LHFPL3: variants seen among roughly 807,000 people sequenced by gnomAD.
LHFPL3 encodes LHFPL tetraspan subfamily member 3 protein.
LHFPL3 carries 5 observed loss-of-function variants against 19.3 expected under a neutral mutation model. That is an observed-to-expected ratio of 0.26 (90% CI 0.14 to 0.54). The LOEUF is 0.54. Among genes scored for constraint, LHFPL3 ranks in the 20% least tolerant of loss-of-function variants. LHFPL3 has a pLI of 0.94. For missense variants in LHFPL3, 249 were observed against 307.4 expected (o/e 0.81, Z 1.42); for synonymous variants, 133 against 126.2 (o/e 1.05, Z -0.36).
In LHFPL3 at chr7:104,508,393, G is replaced by A. The variant is rs561038549; in HGVS notation, c.445+179169G>A. On this transcript the variant is annotated intron_variant, in intron 1 of 2. Transcript: ENST00000424859. ...CAAACACCGCATATTCTCACTCATA[G>A]GTGGGAATTGAACAATGAGATCACA... Among the ~76,000 whole-genome samples, 18 of 147,944 alleles carry A rather than the reference G, an allele frequency of 1.2e-4. No homozygotes were observed. In the South Asian group the frequency reaches 3.7e-3, roughly 30 times the overall value.
At chr7:104,462,253 C>G (rs1792680377) in intron 1 of LHFPL3, among the ~76,000 whole-genome samples, 1 of 152,174 alleles carries the variant, frequency 6.6e-6, no homozygotes, top group Non-Finnish European at 1.5e-5. Context: ...TGCCTGATTG[C>G]TCTGGCCAGG....
chr7:104,892,708 C>CAA (rs35855839), intron 2 of LHFPL3, among the ~76,000 whole-genome samples: 18 of 68,424 alleles, frequency 2.6e-4, no homozygotes, highest in East Asian at 4.0e-4. Flanking sequence ...GAGACTGTCT[C>CAA]AAAAAAAAAA....
At chr7:104,899,814 C>T (rs766132914) in intron 2 of LHFPL3, among the ~76,000 whole-genome samples, 4 of 152,266 alleles carry the variant, frequency 2.6e-5, no homozygotes, top group Admixed American at 6.5e-5. Flanking sequence ...TCACTGCAAC[C>T]TCTGCCTCCT....
intron 1 of LHFPL3, among the ~76,000 whole-genome samples, chr7:104,606,289 G>T (rs1272948896): frequency 2.0e-5 from 3 of 152,190 alleles, no homozygotes; most frequent in Non-Finnish European, 4.4e-5. Context: ...AGAGAGCAGC[G>T]AGTAAGATTT....
At chr7:104,648,846 A>C (rs1276498958) in intron 1 of LHFPL3, among the ~76,000 whole-genome samples, 3 of 152,188 alleles carry the variant, frequency 2.0e-5, no homozygotes, top group Non-Finnish European at 4.4e-5. Flanking sequence ...AATTCTCTTC[A>C]TCGCCATGCA....
Position 104,474,687 on chromosome 7 carries a change from C to CA in LHFPL3, c.445+145484dup, listed in dbSNP as rs928431129. Among the ~76,000 whole-genome samples the CA allele has an allele frequency of 0.013, 543 of 41,054 alleles. 16 individuals carry two copies. In the East Asian group the frequency reaches 0.14, roughly 11 times the overall value. The allele number at this position is 41,054 out of a possible 152,430, so 26.9% of individuals were successfully genotyped here. A position where few individuals can be genotyped will look rare whatever the true frequency, so the allele number is the denominator to read the frequency against. ...ATCACAACGACAACAACAACAACAA[C>CA]AAAAAAAAAAAAAAAAAAAAAGAAA... On this transcript the variant is annotated intron_variant, in intron 1 of 2. Transcript: ENST00000424859.
Position 104,736,658 on chromosome 7 carries a change from C to T in LHFPL3, c.446-17C>T, listed in dbSNP as rs1435422384. 7.1e-6 allele frequency: 11 copies of T among 1,548,726 alleles called. No individual in the cohort carries two copies. In the African/African-American group the frequency reaches 1.4e-4, roughly 19 times the overall value. On this transcript the variant is annotated splice_polypyrimidine_tract_variant and intron_variant, in intron 1 of 2. Coordinates refer to ENST00000424859, the MANE Select transcript of LHFPL3 (RefSeq NM_199000.3). ...TATCTTTTTTGTTTCTTTTGTTTTT[C>T]TCTCTTTCTCTCCAAGCTGCCTGCC... is the stretch of plus-strand genomic sequence containing the variant.
chr7:104,379,335 C>G (rs1481846712), intron 1 of LHFPL3, among the ~76,000 whole-genome samples: 1 of 152,178 alleles, frequency 6.6e-6, no homozygotes, highest in Non-Finnish European at 1.5e-5. Context: ...CGGCACAGAT[C>G]AGCCTGAGCC....
chr7:104,622,569 C>A (rs1275879472), intron 1 of LHFPL3, among the ~76,000 whole-genome samples: 1 of 152,122 alleles, frequency 6.6e-6, no homozygotes, highest in African/African-American at 2.4e-5. Context: ...CTCCATCCCC[C>A]CCAAAAATCC....
chr7:104,832,330 A>G (rs1007697405), intron 2 of LHFPL3, among the ~76,000 whole-genome samples: 13 of 151,974 alleles, frequency 8.6e-5, no homozygotes, highest in Admixed American at 1.3e-4. Flanking sequence ...ACACCTAACT[A>G]TGAAGGACCT....
At chr7:104,442,816 T>C (rs1792252747) in intron 1 of LHFPL3, among the ~76,000 whole-genome samples, 1 of 152,232 alleles carries the variant, frequency 6.6e-6, no homozygotes, top group South Asian at 2.1e-4. Context: ...TCACTAGAAC[T>C]GCCAGAAATC....
chr7:104,835,760 TA>T (rs1454854788), intron 2 of LHFPL3, among the ~76,000 whole-genome samples: 8 of 118,774 alleles, frequency 6.7e-5, no homozygotes, highest in Non-Finnish European at 1.3e-4. Flanking sequence ...GTTAAATTAT[TA>T]TTATTTTTTT....
intron 1 of LHFPL3, among the ~76,000 whole-genome samples, chr7:104,519,300 A>AG (rs1254049144): frequency 4.6e-5 from 7 of 152,176 alleles, no homozygotes; most frequent in Non-Finnish European, 8.8e-5. Flanking sequence ...GAGATTTGCT[A>AG]GGCCTGCTCT....
At chr7:104,758,835 T>A (rs1794328769) in intron 2 of LHFPL3, among the ~76,000 whole-genome samples, 1 of 152,156 alleles carries the variant, frequency 6.6e-6, no homozygotes, top group South Asian at 2.1e-4. Flanking sequence ...AGGGTTGGGT[T>A]CTTAAAAGAA....
intron 1 of LHFPL3, among the ~76,000 whole-genome samples, chr7:104,439,158 T>C (rs1357061115): frequency 1.3e-5 from 2 of 152,132 alleles, no homozygotes; most frequent in Admixed American, 6.6e-5. Flanking sequence ...AAGGAAGGAA[T>C]TGTCAAAAAA....
chr7:104,641,742 C>T (rs568209584), intron 1 of LHFPL3, among the ~76,000 whole-genome samples: 5 of 152,182 alleles, frequency 3.3e-5, no homozygotes, highest in Admixed American at 2.0e-4. Flanking sequence ...ATTAGAAAGT[C>T]CCCAGTTAAA....
intron 2 of LHFPL3, among the ~76,000 whole-genome samples, chr7:104,743,159 G>A (rs1015281925): frequency 2.6e-5 from 4 of 151,922 alleles, no homozygotes; most frequent in Admixed American, 2.6e-4. Flanking sequence ...AAAGGGGAAG[G>A]GGCTCTAGGA....
chr7:104,638,628 T>A (rs547007238), intron 1 of LHFPL3, among the ~76,000 whole-genome samples: 1 of 152,310 alleles, frequency 6.6e-6, no homozygotes, highest in Admixed American at 6.5e-5. Flanking sequence ...AAAAGCCTTT[T>A]TTGCATCCAT....
intron 2 of LHFPL3, among the ~76,000 whole-genome samples, chr7:104,850,021 G>A (rs772620889): frequency 6.6e-6 from 1 of 152,226 alleles, no homozygotes; most frequent in African/African-American, 2.4e-5. Flanking sequence ...GGTTTTTTTA[G>A]GCCGGGCGCG....
Sources: allele counts gnomAD v4.1 joint callset (sites outside exome capture counted in the v4.1 genomes callset), GRCh38; gene constraint gnomAD v4.1.1; transcripts MANE v1.5; gene names NCBI Gene and HGNC (gene_info 2026-07-23, HGNC 2026-07-21).